SHC1: variants seen among roughly 807,000 people sequenced by gnomAD.
SHC1 encodes the protein SHC adaptor protein 1, also known as SHC-transforming protein 1.
In SHC1, 30 loss-of-function variants were observed where a neutral mutation model predicts 55.9. The ratio of observed to expected loss-of-function variants is 0.54; its 90% CI spans 0.40 to 0.73. The LOEUF (loss-of-function observed/expected upper bound fraction) is 0.73, where lower values mean the gene tolerates loss of function less well. SHC1 is among the 30% of genes least tolerant of loss of function. SHC1 has a pLI of 0.00. For synonymous variants in SHC1, 309 were observed against 306.1 expected (o/e 1.01, Z -0.10); for missense variants, 675 against 777.1 (o/e 0.87, Z 1.56).
At chr1:154,965,521 C>CCCACACCTCTG in intron 11 of SHC1, 22 bp downstream of exon 11, 2 of 1,614,164 alleles carry the variant, frequency 1.2e-6, no homozygotes, top group Non-Finnish European at 1.7e-6. Flanking sequence ...CCACCCCTCA[C>CCCACACCTCTG]CCACACCTCT....
rs1464188499 is a variant in SHC1, at chr1:154,963,641, C to T, written c.*162G>A. The T allele has an allele frequency of 1.5e-6, 1 of 659,866 alleles. No homozygotes were observed. Among genetic ancestry groups the T allele is most frequent in the African/African-American group, 1.8e-5 (1 of 55,126 alleles). 40.9% of individuals were successfully genotyped at this position (659,866 alleles called of 1,614,324 possible). On this transcript the variant is annotated 3_prime_UTR_variant, in exon 12 of 12. Coordinates refer to ENST00000448116, the MANE Select transcript of SHC1 (RefSeq NM_001130040.2). ...AGGATTCTCACCCAGGCTTTTGACT[C>T]AAACCCTCTCACTCAGCTGGATATG... is the stretch of plus-strand genomic sequence containing the variant.
chr1:154,971,057 G>T (rs556280488), upstream of SHC1, among the ~76,000 whole-genome samples: 2 of 152,304 alleles, frequency 1.3e-5, no homozygotes, highest in South Asian at 4.1e-4. Flanking sequence ...CAGGCCAAAG[G>T]GGGCAGGAAG....
In SHC1 at chr1:154,962,350, C is replaced by T. The variant is rs1278548859; in HGVS notation, c.*1453G>A. The stretch of plus-strand genomic sequence containing the variant: ...GTTTTCCCTTTGGTATAAGTGAGAC[C>T]CGTGGAAACATCCAAACAGCAAAAG... On this transcript the variant is annotated 3_prime_UTR_variant, in exon 12 of 12. Coordinates refer to ENST00000448116, the MANE Select transcript of SHC1 (RefSeq NM_001130040.2). 1 of 152,778 alleles carries T rather than the reference C, an allele frequency of 6.5e-6. No individual in the cohort carries two copies. Among genetic ancestry groups the T allele is most frequent in the African/African-American group, 2.4e-5 (1 of 41,440 alleles). 9.5% of individuals were successfully genotyped at this position (152,778 alleles called of 1,614,324 possible).
chr1:154,967,671 CTGTCATGA>C lies in SHC1; in HGVS notation c.975_982del (p.His326AspfsTer5). On this transcript the variant is annotated frameshift_variant and splice_region_variant, in exon 7 of 12. Transcript: ENST00000448116. LOFTEE classifies it high-confidence loss of function. The stretch of plus-strand genomic sequence containing the variant: ...CTCCACACTCTCCCCACCTGCTCAC[CTGTCATGA>C]GGGGTGACCAGTTTGGGTGGGTTCC... 6.2e-7 allele frequency: 1 copy of C among 1,613,592 alleles called. No homozygotes were observed. Among genetic ancestry groups the C allele is most frequent in the Non-Finnish European group, 8.5e-7 (1 of 1,179,680 alleles).
intron 1 of SHC1, 42 bp from the exon 2 acceptor site, chr1:154,969,490 C>A (rs753894006): frequency 1.2e-5 from 16 of 1,353,962 alleles, no homozygotes; most frequent in East Asian, 7.0e-5. Context: ...GCGGCTCCCC[C>A]ACCCCAGCCC....
chr1:154,971,201 G>A (rs969996865), upstream of SHC1, among the ~76,000 whole-genome samples: 4 of 152,084 alleles, frequency 2.6e-5, no homozygotes, highest in Non-Finnish European at 5.9e-5. Context: ...CTCTATGCCC[G>A]AAAGCTGGCT....
rs764339965 is a variant in SHC1 at position 154,967,748 on chromosome 1, G to A, written c.906C>T (p.Ser302=). The A allele has an allele frequency of 6.8e-6, 11 of 1,613,984 alleles. No individual in the cohort carries two copies. Among genetic ancestry groups the A allele is most frequent in the South Asian group, 1.1e-5 (1 of 91,082 alleles). ...GCAACTCGAAGGCCTGGCCAATGGTGCTGATGACATCCTGGGCAAGCCCTT... is the reference window on the plus strand; with the variant it reads ...GCAACTCGAAGGCCTGGCCAATGGTACTGATGACATCCTGGGCAAGCCCTT... ...CPEGLAQDVI[S]TIGQAFELRF... Residue 302 remains serine, a synonymous_variant, in exon 7 of 12, where the codon AGC becomes AGT. Coordinates refer to ENST00000448116, the MANE Select transcript of SHC1 (RefSeq NM_001130040.2).
Position 154,970,510 on chromosome 1 carries a change from G to C in SHC1, c.17C>G (p.Pro6Arg), listed in dbSNP as rs547050814. The change falls in exon 1 of 12, where the codon CCC (proline) becomes CGC (arginine). Residue 6 changes from proline to arginine, a missense_variant. Transcript: ENST00000448116. The surrounding 1 kb of genome is among the most constrained non-coding windows in gnomAD (Gnocchi z 5.5). MDLLP[P>R]KPKYNPLRNE... ...CCGGAGTGGATTGTACTTGGGCTTG[G>C]GGGGCAGGAGATCCATAGTTGAGGT... 24 of 1,608,336 alleles carry C rather than the reference G, an allele frequency of 1.5e-5. No homozygotes were observed. Among genetic ancestry groups the C allele is most frequent in the Admixed American group, 3.4e-5 (2 of 59,048 alleles).
intron 1 of SHC1, 64 bp from the exon 2 acceptor site, chr1:154,969,512 GCC>G: frequency 2.8e-6 from 3 of 1,085,246 alleles, no homozygotes; most frequent in Non-Finnish European, 4.2e-6. Flanking sequence ...TTCACAAAGG[GCC>G]CTAGGACTTT....
chr1:154,966,424 G>T lies in SHC1; in HGVS notation c.1077C>A (p.Pro359=). 6.2e-7 allele frequency: 1 copy of T among 1,613,586 alleles called. No individual in the cohort carries two copies. The highest frequency in any genetic ancestry group is 1.3e-5 in the African/African-American group (1 of 75,034). ...YYNDFPGKEP[P]LGGVVDMRLR... is the part of the protein sequence containing the mutation. The stretch of plus-strand genomic sequence containing the variant: ...GCCTCATGTCTACCACCCCCCCCAA[G>T]GGGGGTTCCTTCCCCGGGAAGTCAT... The change falls in exon 8 of 12, where the codon CCC becomes CCA. Residue 359 remains proline, a synonymous_variant. Transcript: ENST00000448116.
Position 154,970,519 on chromosome 1 carries a change from A to T in SHC1, c.8T>A (p.Leu3His), listed in dbSNP as rs189263031. MD[L>H]LPPKPKYNPL... ...ATTGTACTTGGGCTTGGGGGGCAGG[A>T]GATCCATAGTTGAGGTGAAAGAGGG... The change falls in exon 1 of 12, where the codon CTC becomes CAC. Residue 3 changes from leucine (L) to histidine (H), a missense_variant. Physicochemically the swap from Leu to His is moderately conservative, Grantham distance 99. Transcript: ENST00000448116. The surrounding 1 kb of genome is among the most constrained non-coding windows in gnomAD (Gnocchi z 5.5). 7 of 1,605,732 alleles carry T rather than the reference A, an allele frequency of 4.4e-6. No individual in the cohort carries two copies. The highest frequency in any genetic ancestry group is 1.7e-4 in the Middle Eastern group (1 of 5,998).
At chr1:154,971,539 G>A (rs780633374), upstream of SHC1, among the ~76,000 whole-genome samples, 4 of 152,120 alleles carry the variant, frequency 2.6e-5, no homozygotes, top group Non-Finnish European at 5.9e-5. Flanking sequence ...CTTTCCACAG[G>A]GCTTGTTAAC....
chr1:154,963,248 G>A lies in SHC1; in HGVS notation c.*555C>T, dbSNP rs1655521239. ...CTCTGTTATCCCAACCCAAACCGGA[G>A]AGGGTGCTCAGCAAGAACACAGGTC... On this transcript the variant is annotated 3_prime_UTR_variant, in exon 12 of 12. Coordinates refer to ENST00000448116, the MANE Select transcript of SHC1 (RefSeq NM_001130040.2). The A allele has an allele frequency of 6.5e-6, 1 of 153,478 alleles. No homozygotes were observed. Among genetic ancestry groups the A allele is most frequent in the Non-Finnish European group, 1.5e-5 (1 of 68,572 alleles). 9.5% of individuals were successfully genotyped at this position (153,478 alleles called of 1,614,324 possible).
At position 154,963,243 on chromosome 1, in the gene SHC1, C is replaced by T. The variant is rs1447447470; in HGVS notation, c.*560G>A. 6.5e-6 allele frequency: 1 copy of T among 153,328 alleles called. No homozygotes were observed. The highest frequency in any genetic ancestry group is 2.4e-5 in the African/African-American group (1 of 41,414). 9.5% of individuals were successfully genotyped at this position (153,328 alleles called of 1,614,324 possible). On this transcript the variant is annotated 3_prime_UTR_variant, in exon 12 of 12. Coordinates refer to ENST00000448116, the MANE Select transcript of SHC1 (RefSeq NM_001130040.2). The stretch of plus-strand genomic sequence containing the variant: ...CCTGCCTCTGTTATCCCAACCCAAA[C>T]CGGAGAGGGTGCTCAGCAAGAACAC...
upstream of SHC1, among the ~76,000 whole-genome samples, chr1:154,972,842 G>A (rs1388077401): frequency 6.6e-6 from 1 of 151,986 alleles, no homozygotes; most frequent in African/African-American, 2.4e-5. Context: ...ACGGGGCCAG[G>A]AGGAATGCCC....
At position 154,970,290 on chromosome 1, in the gene SHC1, C is replaced by T; in HGVS notation, c.237G>A (p.Gly79=). The part of the protein sequence containing the change: ...RLANPAGGRP[G]SKGEPGRAAD... ...CTGCCCTTCCTGGCTCCCCCTTAGACCCTGGGCGCCCCCCAGCCGGGTTGG... is the reference window on the plus strand; with the variant it reads ...CTGCCCTTCCTGGCTCCCCCTTAGATCCTGGGCGCCCCCCAGCCGGGTTGG... Residue 79 remains glycine (G), a synonymous_variant, in exon 1 of 12, where the codon GGG becomes GGA. Transcript: ENST00000448116. The surrounding 1 kb of genome is among the most constrained non-coding windows in gnomAD (Gnocchi z 5.5). 1 of 1,605,136 alleles carries T rather than the reference C, an allele frequency of 6.2e-7. No homozygotes were observed. Among genetic ancestry groups the T allele is most frequent in the Non-Finnish European group, 8.5e-7 (1 of 1,174,712 alleles).
upstream of SHC1, among the ~76,000 whole-genome samples, chr1:154,973,132 C>T (rs190902348): frequency 5.3e-5 from 8 of 152,276 alleles, no homozygotes; most frequent in East Asian, 1.5e-3. Context: ...GGCTGGGAGT[C>T]TGAGGGCAAG....
At chr1:154,972,193 C>T (rs1351875369), upstream of SHC1, among the ~76,000 whole-genome samples, 1 of 150,744 alleles carries the variant, frequency 6.6e-6, no homozygotes, top group African/African-American at 2.4e-5. Flanking sequence ...TGCAGTGAGC[C>T]GAGATCGAGC....
chr1:154,973,814 G>A (rs576982002), upstream of SHC1, among the ~76,000 whole-genome samples: 51 of 152,286 alleles, frequency 3.3e-4, no homozygotes, highest in African/African-American at 1.2e-3. Context: ...AGGCTTTCTG[G>A]ACAGTCAGAC....
Sources: gnomAD v4.1 joint callset for allele counts (sites outside exome capture counted in the v4.1 genomes callset) on GRCh38, gnomAD v4.1.1 for gene constraint, Gnocchi (gnomAD v3.1) non-coding constraint, MANE v1.5 for transcripts, NCBI Gene and HGNC (gene_info 2026-07-23, HGNC 2026-07-21) for gene names.